Variants in GLIS3 observed in about 807,000 individuals in gnomAD.
GLIS3 encodes the protein GLIS family zinc finger 3.
A neutral mutation model predicts 78.6 loss-of-function variants in GLIS3; 53 were observed. The observed-to-expected ratio is 0.67, with a 90% CI of 0.54 to 0.85. The LOEUF (loss-of-function observed/expected upper bound fraction) is 0.85, where lower values mean the gene tolerates loss of function less well. GLIS3 is among the 40% of genes least tolerant of loss of function. The pLI is 0.00. For missense variants in GLIS3, 1,703 were observed against 1,231.1 expected (o/e 1.38, Z -5.74); for synonymous variants, 684 against 509.9 (o/e 1.34, Z -4.60).
the GLIS3 span, among the ~76,000 whole-genome samples, chr9:4,450,245 T>A: frequency 6.6e-6 from 1 of 152,074 alleles, no homozygotes; most frequent in African/African-American, 2.4e-5. Context: ...AGAAAGGGTA[T>A]CAGTGATTGA....
intron 2 of GLIS3, among the ~76,000 whole-genome samples, chr9:4,173,534 T>C (rs952059602): frequency 1.1e-4 from 16 of 150,954 alleles, no homozygotes; most frequent in African/African-American, 3.7e-4. Flanking sequence ...TTACTATATA[T>C]ATAATATGTA....
chr9:4,248,449 A>G (rs1044694671), intron 2 of GLIS3, among the ~76,000 whole-genome samples: 1 of 152,168 alleles, frequency 6.6e-6, no homozygotes, highest in Non-Finnish European at 1.5e-5. Flanking sequence ...ATAGTATTCC[A>G]TGGTGTATAT....
intron 9 of GLIS3, among the ~76,000 whole-genome samples, chr9:3,841,591 C>G (rs910988746): frequency 3.3e-5 from 5 of 152,200 alleles, no homozygotes; most frequent in African/African-American, 1.2e-4. Context: ...CTCCCTATAA[C>G]TCAAAATTCC....
chr9:4,012,971 C>T (rs1218408612), intron 4 of GLIS3, among the ~76,000 whole-genome samples: 2 of 151,894 alleles, frequency 1.3e-5, no homozygotes, highest in Admixed American at 6.6e-5. Context: ...CGGGGTTTTG[C>T]CATGTTGGCC....
chr9:4,003,760 G>A (rs1260737420), intron 4 of GLIS3, among the ~76,000 whole-genome samples: 1 of 152,220 alleles, frequency 6.6e-6, no homozygotes, highest in Non-Finnish European at 1.5e-5. Flanking sequence ...ACAGTCATCT[G>A]GATGATGGTG....
intron 2 of GLIS3, among the ~76,000 whole-genome samples, chr9:4,256,473 T>C (rs1248960842): frequency 6.6e-6 from 1 of 152,188 alleles, no homozygotes; most frequent in Non-Finnish European, 1.5e-5. Flanking sequence ...GATTAAAAAT[T>C]ATGATGTTGA....
chr9:4,113,133 T>A (rs1232342863), intron 4 of GLIS3, among the ~76,000 whole-genome samples: 1 of 152,098 alleles, frequency 6.6e-6, no homozygotes, highest in African/African-American at 2.4e-5. Context: ...CACTCAACAG[T>A]GTTTTTTGAA....
At chr9:4,182,458 T>G (rs1299755608) in intron 2 of GLIS3, among the ~76,000 whole-genome samples, 1 of 152,232 alleles carries the variant, frequency 6.6e-6, no homozygotes, top group South Asian at 2.1e-4. Flanking sequence ...ACCTGAAACT[T>G]CTCCACACTG....
At chr9:4,203,372 G>A (rs1318474098) in intron 2 of GLIS3, among the ~76,000 whole-genome samples, 1 of 152,210 alleles carries the variant, frequency 6.6e-6, no homozygotes, top group African/African-American at 2.4e-5. Flanking sequence ...CTTATATGCT[G>A]TCAGTGGGAA....
intron 7 of GLIS3, among the ~76,000 whole-genome samples, chr9:3,897,315 G>T (rs1822922359): frequency 6.6e-6 from 1 of 152,142 alleles, no homozygotes; most frequent in Admixed American, 6.5e-5. Context: ...TGAAGTAGTA[G>T]GGGAATGCTT....
the GLIS3 span, among the ~76,000 whole-genome samples, chr9:4,376,110 A>G: frequency 2.0e-5 from 3 of 152,112 alleles, no homozygotes; most frequent in Non-Finnish European, 4.4e-5. Context: ...TGGGTTAGCA[A>G]TCTGGATTGA....
chr9:3,934,719 T>C (rs1825799239), intron 5 of GLIS3, among the ~76,000 whole-genome samples: 1 of 152,142 alleles, frequency 6.6e-6, no homozygotes, highest in Non-Finnish European at 1.5e-5. Context: ...TTCTGTTTGA[T>C]TTTGAGATGT....
rs1446881532 is a variant in GLIS3 at position 4,080,163 on chromosome 9, T to A, written c.1710+37605A>T. Among the ~76,000 whole-genome samples, 5 of 152,368 alleles carry A rather than the reference T, an allele frequency of 3.3e-5. 1 individual carries two copies. In the South Asian group the frequency reaches 1.0e-3, roughly 32 times the overall value. ...AAACCGTGTGCTGTGGTTCCTATACTATCCTTTCTTCCAATTCTAAGACAC... is the reference window on the plus strand; with the variant it reads ...AAACCGTGTGCTGTGGTTCCTATACAATCCTTTCTTCCAATTCTAAGACAC... On this transcript the variant is annotated intron_variant, in intron 4 of 10. Transcript: ENST00000381971.
At chr9:4,209,822 C>CG (rs1491088613) in intron 2 of GLIS3, among the ~76,000 whole-genome samples, 2 of 121,064 alleles carry the variant, frequency 1.7e-5, no homozygotes, top group African/African-American at 3.4e-5. Flanking sequence ...CCCGCCCCCC[C>CG]CCAGTTGTGA....
Position 4,025,474 on chromosome 9 carries a change from G to T in GLIS3, c.1711-88285C>A, listed in dbSNP as rs374729207. Among the ~76,000 whole-genome samples, 9 of 152,128 alleles carry T rather than the reference G, an allele frequency of 5.9e-5. No individual in the cohort carries two copies. In the South Asian group the frequency reaches 1.7e-3, roughly 28 times the overall value. On this transcript the variant is annotated intron_variant, in intron 4 of 10. Coordinates refer to ENST00000381971, the MANE Select transcript of GLIS3 (RefSeq NM_001042413.2). Reference sequence around the variant, plus strand: ...GTGATCTTGGCTCACCGCAACCTCCGACTCCCTGGTGCAAGCGATTCTCCT... The same window carrying T: ...GTGATCTTGGCTCACCGCAACCTCCTACTCCCTGGTGCAAGCGATTCTCCT...
intron 4 of GLIS3, chr9:4,035,828 C>G (rs558926459): frequency 6.6e-6 from 1 of 152,312 alleles, no homozygotes; most frequent in Non-Finnish European, 1.5e-5. Flanking sequence ...TGCAAGCCCA[C>G]GACACTGACC....
the GLIS3 span, among the ~76,000 whole-genome samples, chr9:4,472,730 C>T: frequency 2.0e-5 from 3 of 152,034 alleles, no homozygotes; most frequent in Non-Finnish European, 1.5e-5. Context: ...ACGTTGTGCA[C>T]ATGTACCCTA....
chr9:3,962,802 C>A (rs1314789589), intron 4 of GLIS3, among the ~76,000 whole-genome samples: 1 of 152,030 alleles, frequency 6.6e-6, no homozygotes, highest in Non-Finnish European at 1.5e-5. Context: ...GATCCCCCAC[C>A]CCGAAACCCT....
chr9:4,356,267 A>G, the GLIS3 span, among the ~76,000 whole-genome samples: 1 of 152,204 alleles, frequency 6.6e-6, no homozygotes, highest in African/African-American at 2.4e-5. Context: ...AGACTGGCCC[A>G]CAATTTAGGA....
Sources: allele counts gnomAD v4.1 joint callset (sites outside exome capture counted in the v4.1 genomes callset), GRCh38; gene constraint gnomAD v4.1.1; transcripts MANE v1.5; gene names NCBI Gene and HGNC (gene_info 2026-07-23, HGNC 2026-07-21).